The following ANKRD45 variants were observed in gnomAD, a reference collection of about 807,000 sequenced individuals.
The protein encoded by ANKRD45 is ankyrin repeat domain-containing protein 45.
In ANKRD45, 21 loss-of-function variants were observed where a neutral mutation model predicts 28.1. The observed-to-expected ratio is 0.75, with a 90% confidence interval of 0.53 to 1.08. The LOEUF is 1.08. ANKRD45 is among the 50% of genes least tolerant of loss of function. The probability of loss-of-function intolerance (pLI) is 0.00; values close to 1 mark genes in which losing one functional copy is unlikely to be tolerated. For synonymous variants in ANKRD45, 86 were observed against 103.9 expected (o/e 0.83, Z 1.05); for missense variants, 261 against 308.7 (o/e 0.85, Z 1.16).
At chr1:173,646,127 G>T (rs911337033) in intron 3 of ANKRD45, among the ~76,000 whole-genome samples, 1 of 152,086 alleles carries the variant, frequency 6.6e-6, no homozygotes, top group Admixed American at 6.6e-5. Flanking sequence ...TAGTTACAAA[G>T]GTACATCTTC....
At chr1:173,714,233 A>T in the ANKRD45 span, among the ~76,000 whole-genome samples, 4 of 152,224 alleles carry the variant, frequency 2.6e-5, no homozygotes, top group Admixed American at 2.6e-4. Context: ...ATATTAATAT[A>T]CGGTAAAAAT....
At chr1:173,694,399 G>A in the ANKRD45 span, among the ~76,000 whole-genome samples, 1 of 151,988 alleles carries the variant, frequency 6.6e-6, no homozygotes, top group South Asian at 2.1e-4. Flanking sequence ...CCTGACCTCA[G>A]ATGATCCACC....
intron 5 of ANKRD45, among the ~76,000 whole-genome samples, chr1:173,614,019 T>G (rs1409331441): frequency 6.6e-6 from 1 of 152,182 alleles, no homozygotes; most frequent in Non-Finnish European, 1.5e-5. Context: ...CAGGGTTATA[T>G]GGATTAAGGG....
the ANKRD45 span, chr1:173,675,378 C>A: frequency 3.5e-6 from 1 of 286,512 alleles, no homozygotes; most frequent in Admixed American, 4.9e-5. Flanking sequence ...TTTGGGAGGC[C>A]GAGGCAGGTG....
the ANKRD45 span, among the ~76,000 whole-genome samples, chr1:173,680,755 G>A: frequency 1.1e-3 from 161 of 151,622 alleles, 4 homozygotes; most frequent in Non-Finnish European, 1.2e-3. Context: ...AAGAAAATAC[G>A]GCACATATAC....
intron 2 of ANKRD45, among the ~76,000 whole-genome samples, chr1:173,656,963 A>T (rs971390540): frequency 6.1e-4 from 90 of 147,648 alleles, no homozygotes; most frequent in Non-Finnish European, 3.9e-4. Flanking sequence ...AAGGAAGAGC[A>T]TTGCTTGAGC....
At chr1:173,682,684 TACAC>T in the ANKRD45 span, among the ~76,000 whole-genome samples, 10,076 of 143,866 alleles carry the variant, frequency 0.07, 438 homozygotes, top group Admixed American at 0.17. Context: ...GCCTTTTAAA[TACAC>T]ACACACACAC....
chr1:173,687,395 CAGTT>C, the ANKRD45 span, among the ~76,000 whole-genome samples: 3 of 151,480 alleles, frequency 2.0e-5, no homozygotes, highest in African/African-American at 7.3e-5. Flanking sequence ...TTTAAACAAC[CAGTT>C]AATTTATTTT....
rs1571665195 is a variant in ANKRD45 at position 173,609,886 on chromosome 1, T to C, written c.*259A>G. Reference sequence around the variant, plus strand: ...CTGAGTAGTTCTTAAAGCCTCCACATGGTCTTCACGAATGATTTATACCCA... The same window carrying C: ...CTGAGTAGTTCTTAAAGCCTCCACACGGTCTTCACGAATGATTTATACCCA... On this transcript the variant is annotated 3_prime_UTR_variant, in exon 6 of 6. Transcript: ENST00000333279. The C allele has an allele frequency of 2.5e-6, 1 of 406,878 alleles. No homozygotes were observed. The highest frequency in any genetic ancestry group is 4.0e-5 in the East Asian group (1 of 25,192). 25.2% of individuals were successfully genotyped at this position (406,878 alleles called of 1,614,324 possible). A position where few individuals can be genotyped will look rare whatever the true frequency, so the allele number is the denominator to read the frequency against.
the ANKRD45 span, among the ~76,000 whole-genome samples, chr1:173,682,463 A>T: frequency 1.3e-5 from 2 of 152,256 alleles, no homozygotes; most frequent in South Asian, 4.1e-4. Context: ...TTTCTCCCCC[A>T]AAAGGAGTCT....
intron 5 of ANKRD45, among the ~76,000 whole-genome samples, chr1:173,619,223 C>T (rs1314153445): frequency 6.6e-6 from 1 of 152,190 alleles, no homozygotes; most frequent in African/African-American, 2.4e-5. Context: ...GAAGCAACCA[C>T]ATAAACAAGT....
At chr1:173,690,553 A>C in the ANKRD45 span, among the ~76,000 whole-genome samples, 1 of 152,178 alleles carries the variant, frequency 6.6e-6, no homozygotes, top group Non-Finnish European at 1.5e-5. Context: ...TATCATTAAC[A>C]TATCAGATTA....
intron 3 of ANKRD45, among the ~76,000 whole-genome samples, chr1:173,631,908 C>T (rs574298840): frequency 6.6e-6 from 1 of 151,202 alleles, no homozygotes; most frequent in Non-Finnish European, 1.5e-5. Flanking sequence ...TTCAAATAAA[C>T]ACCTTAACAA....
At chr1:173,651,090 A>C (rs1045884749) in intron 2 of ANKRD45, among the ~76,000 whole-genome samples, 6 of 152,118 alleles carry the variant, frequency 3.9e-5, no homozygotes, top group African/African-American at 1.4e-4. Flanking sequence ...GAAGCTCTTT[A>C]GTTTAATTAG....
rs535923212 is a variant in ANKRD45, at chr1:173,609,701, A to C, written c.*444T>G. On this transcript the variant is annotated 3_prime_UTR_variant, in exon 6 of 6. Transcript: ENST00000333279. The stretch of plus-strand genomic sequence containing the variant: ...GACATAAAAAGTGATAGTTGTACCC[A>C]GAGGCTCCTAATCCAAGCTGGTCTT... 1.3e-4 allele frequency: 20 copies of C among 156,478 alleles called. No homozygotes were observed. The highest frequency in any genetic ancestry group is 2.5e-4 in the Non-Finnish European group (18 of 70,934). The allele number at this position is 156,478 out of a possible 1,614,324, so 9.7% of individuals were successfully genotyped here. A position where few individuals can be genotyped will look rare whatever the true frequency, so the allele number is the denominator to read the frequency against.
chr1:173,694,432 G>A, the ANKRD45 span, among the ~76,000 whole-genome samples: 1 of 151,910 alleles, frequency 6.6e-6, no homozygotes, highest in African/African-American at 2.4e-5. Context: ...CCAAAGTGCT[G>A]GGATTACAAG....
chr1:173,624,786 C>A lies in ANKRD45; in HGVS notation c.730+1G>T. 6.2e-7 allele frequency: 1 copy of A among 1,611,090 alleles called. No individual in the cohort carries two copies. The highest frequency in any genetic ancestry group is 8.5e-7 in the Non-Finnish European group (1 of 1,178,702). ...CAAACCACCTTTTATCCAAAACTTACATGGTGTAGTCATTTTTGTGAAGAT... is the reference window on the plus strand; with the variant it reads ...CAAACCACCTTTTATCCAAAACTTAAATGGTGTAGTCATTTTTGTGAAGAT... On this transcript the variant is annotated splice_donor_variant, in intron 5 of 5. Coordinates refer to ENST00000333279, the MANE Select transcript of ANKRD45 (RefSeq NM_198493.3). LOFTEE classifies it high-confidence loss of function.
chr1:173,659,193 C>A lies in ANKRD45; in HGVS notation c.226G>T (p.Val76Phe), dbSNP rs377093975. Residue 76 changes from valine to phenylalanine, a missense_variant, in exon 2 of 6, where the codon GTT (valine) becomes TTT (phenylalanine). Physicochemically the swap from Val to Phe is conservative, Grantham distance 50. Coordinates refer to ENST00000333279, the MANE Select transcript of ANKRD45 (RefSeq NM_198493.3). ...AMQLLLEEDI[V>F]GRNLLYAACM... is the part of the protein sequence containing the mutation. The stretch of plus-strand genomic sequence containing the variant: ...GCTGCATACAACAAATTTCTCCCAA[C>A]GATGTCTTCTTCTAAGAGAAGCTGC... 4 of 1,614,010 alleles carry A rather than the reference C, an allele frequency of 2.5e-6. No individual in the cohort carries two copies. Among genetic ancestry groups the A allele is most frequent in the Non-Finnish European group, 3.4e-6 (4 of 1,180,048 alleles).
the ANKRD45 span, among the ~76,000 whole-genome samples, chr1:173,705,427 C>T: frequency 6.6e-6 from 1 of 151,094 alleles, no homozygotes; most frequent in Non-Finnish European, 1.5e-5. Flanking sequence ...ACTTTGGGAG[C>T]CTAGGCAGGT....
Sources: allele counts gnomAD v4.1 joint callset (sites outside exome capture counted in the v4.1 genomes callset), GRCh38; gene constraint gnomAD v4.1.1; transcripts MANE v1.5; gene names NCBI Gene and HGNC (gene_info 2026-07-23, HGNC 2026-07-21).